The following APP variants were observed in gnomAD, a reference collection of about 807,000 sequenced individuals.
The protein encoded by APP is amyloid beta precursor protein, also known as amyloid-beta precursor protein.
A neutral mutation model predicts 101.4 loss-of-function variants in APP; 31 were observed. The observed-to-expected ratio is 0.31, with a 90% CI of 0.23 to 0.41. The LOEUF (loss-of-function observed/expected upper bound fraction) is 0.41. Among genes scored for constraint, APP ranks in the 10% least tolerant of loss-of-function variants. The pLI, the probability that APP is intolerant of heterozygous loss-of-function variation, is 1.00. For missense variants in APP, 839 were observed against 1,003.7 expected (o/e 0.84, Z 2.22); for synonymous variants, 366 against 364.4 (o/e 1.00, Z -0.05).
chr21:26,030,917 G>C (rs2044789623), intron 5 of APP, among the ~76,000 whole-genome samples: 2 of 152,256 alleles, frequency 1.3e-5, no homozygotes, highest in South Asian at 4.1e-4. Context: ...TGGAGTCTAG[G>C]GATGCTGCAG....
At chr21:26,095,484 C>T (rs118148883) in intron 2 of APP, among the ~76,000 whole-genome samples, 1,586 of 152,182 alleles carry the variant, frequency 0.01, 13 homozygotes, top group Middle Eastern at 0.027. Context: ...GTGATGGTGG[C>T]GTAGTGTCAT....
intron 13 of APP, among the ~76,000 whole-genome samples, chr21:25,929,438 C>A (rs2040047723): frequency 6.6e-6 from 1 of 151,732 alleles, no homozygotes; most frequent in East Asian, 1.9e-4. Flanking sequence ...GTCTCTTTAT[C>A]ACTTTACTAT....
At chr21:26,068,636 T>C (rs766003519) in intron 3 of APP, among the ~76,000 whole-genome samples, 5 of 152,200 alleles carry the variant, frequency 3.3e-5, no homozygotes, top group Admixed American at 3.3e-4. Context: ...CCCAATTTGC[T>C]GGGATTCTAG....
rs774539709 is a variant in APP, at chr21:26,111,964, C to G, written c.225+15G>C. 6.2e-7 allele frequency: 1 copy of G among 1,613,938 alleles called. No individual in the cohort carries two copies. The highest frequency in any genetic ancestry group is 2.2e-5 in the East Asian group (1 of 44,872). ...GTGATCCAACGTGAATTGCTAGCCA[C>G]CGGACAGGACTTACTTCTTGGCAAT... On this transcript the variant is annotated intron_variant, in intron 2 of 17. Coordinates refer to ENST00000346798, the MANE Select transcript of APP (RefSeq NM_000484.4).
At chr21:25,902,766 C>A (rs192271126) in intron 15 of APP, among the ~76,000 whole-genome samples, 2 of 152,320 alleles carry the variant, frequency 1.3e-5, no homozygotes, top group East Asian at 3.9e-4. Flanking sequence ...TTTGTATTTC[C>A]TTGTCTTCCA....
intron 5 of APP, among the ~76,000 whole-genome samples, chr21:26,034,317 A>G (rs1238700259): frequency 1.3e-5 from 2 of 152,150 alleles, no homozygotes; most frequent in Non-Finnish European, 2.9e-5. Context: ...ATTTTAAAAC[A>G]TTGTTGCTGA....
rs1487775319 is a variant in APP at position 25,954,620 on chromosome 21, C to T, written c.1657G>A (p.Ala553Thr). ...TCATCCTGAATCTCCTCGGCCACTGCAGGCACGTTGTAGAGCAGGGAGAGA... is the reference window on the plus strand; with the variant it reads ...TCATCCTGAATCTCCTCGGCCACTGTAGGCACGTTGTAGAGCAGGGAGAGA... The part of the protein sequence containing the change: ...QSLSLLYNVP[A>T]VAEEIQDEVD... The change falls in exon 13 of 18, where the codon GCA becomes ACA. Residue 553 changes from alanine to threonine, a missense_variant. Transcript: ENST00000346798. The T allele has an allele frequency of 1.2e-6, 2 of 1,614,116 alleles. No individual in the cohort carries two copies. Among genetic ancestry groups the T allele is most frequent in the Non-Finnish European group, 1.7e-6 (2 of 1,179,978 alleles).
chr21:26,025,212 C>A (rs768617826), intron 5 of APP, among the ~76,000 whole-genome samples: 1 of 152,154 alleles, frequency 6.6e-6, no homozygotes, highest in African/African-American at 2.4e-5. Context: ...TGAGCTTCTG[C>A]CTTTGCATTT....
chr21:26,148,591 C>T (rs2063201304), intron 1 of APP, among the ~76,000 whole-genome samples: 1 of 152,194 alleles, frequency 6.6e-6, no homozygotes, highest in Non-Finnish European at 1.5e-5. Flanking sequence ...TGTTGAGATG[C>T]TAAAGCAGTG....
At chr21:25,984,248 G>C (rs1568807871) in intron 8 of APP, among the ~76,000 whole-genome samples, 1 of 151,612 alleles carries the variant, frequency 6.6e-6, no homozygotes, top group Non-Finnish European at 1.5e-5. Context: ...AAAAAGAAAA[G>C]GACAAGTTTT....
intron 3 of APP, among the ~76,000 whole-genome samples, chr21:26,062,585 CG>C (rs145280025): frequency 0.044 from 6,574 of 151,006 alleles, 312 homozygotes; most frequent in East Asian, 0.23. Flanking sequence ...TCGCCTGAGC[CG>C]GGGAAGCAGA....
intron 3 of APP, among the ~76,000 whole-genome samples, chr21:26,059,570 A>G (rs1335270861): frequency 6.6e-6 from 1 of 152,054 alleles, no homozygotes; most frequent in African/African-American, 2.4e-5. Context: ...AACCACACCA[A>G]AGCAGCTACA....
intron 9 of APP, among the ~76,000 whole-genome samples, chr21:25,977,076 G>T (rs1021345676): frequency 6.6e-6 from 1 of 152,106 alleles, no homozygotes; most frequent in Non-Finnish European, 1.5e-5. Flanking sequence ...TTCTATTATA[G>T]CAACACAAAC....
chr21:26,156,508 A>G (rs2063378873), intron 1 of APP, among the ~76,000 whole-genome samples: 2 of 152,208 alleles, frequency 1.3e-5, no homozygotes, highest in Non-Finnish European at 2.9e-5. Flanking sequence ...TTTTATGCAA[A>G]GGTATACATC....
At chr21:25,914,754 C>G (rs1008951718) in intron 13 of APP, among the ~76,000 whole-genome samples, 3 of 152,124 alleles carry the variant, frequency 2.0e-5, no homozygotes, top group Admixed American at 6.5e-5. Flanking sequence ...GGGGTTTCAC[C>G]GTGTTAGCCA....
chr21:25,935,795 G>A (rs1420220359), intron 13 of APP, among the ~76,000 whole-genome samples: 3 of 141,178 alleles, frequency 2.1e-5, no homozygotes, highest in Non-Finnish European at 3.0e-5. Context: ...AGCCGAGATC[G>A]TGCCACTGCA....
At chr21:26,070,165 A>C (rs1433487949) in intron 3 of APP, among the ~76,000 whole-genome samples, 4 of 152,236 alleles carry the variant, frequency 2.6e-5, no homozygotes, top group Non-Finnish European at 5.9e-5. Flanking sequence ...AGAATTTATC[A>C]ACATCCCTTT....
At chr21:25,981,721 T>G (rs529331999) in intron 9 of APP, among the ~76,000 whole-genome samples, 5 of 151,434 alleles carry the variant, frequency 3.3e-5, no homozygotes, top group South Asian at 2.1e-4. Context: ...GTTTTTTTTT[T>G]TTTTTTTTTT....
chr21:25,910,223 G>A (rs1326822835), intron 14 of APP, among the ~76,000 whole-genome samples: 1 of 151,580 alleles, frequency 6.6e-6, no homozygotes, highest in African/African-American at 2.4e-5. Flanking sequence ...CGCCTCCCGG[G>A]TTCATGCCAT....
Sources: allele counts gnomAD v4.1 joint callset (sites outside exome capture counted in the v4.1 genomes callset), GRCh38; gene constraint gnomAD v4.1.1; transcripts MANE v1.5; gene names NCBI Gene and HGNC (gene_info 2026-07-23, HGNC 2026-07-21).